MLLT1: variants seen among roughly 807,000 people sequenced by gnomAD.
MLLT1 encodes the protein protein ENL.
Under a neutral mutation model 55.1 loss-of-function variants are expected in MLLT1, and 11 were observed. The ratio of observed to expected loss-of-function variants is 0.20; its 90% CI spans 0.13 to 0.33. MLLT1 has a LOEUF of 0.33. MLLT1 is among the 10% of genes least tolerant of loss of function. MLLT1 has a pLI of 1.00. For synonymous variants in MLLT1, 323 were observed against 320.1 expected (o/e 1.01, Z -0.10); for missense variants, 536 against 760.6 (o/e 0.70, Z 3.47).
chr19:6,262,374 G>A lies in MLLT1; in HGVS notation c.194-64C>T, dbSNP rs375215353. 16 of 1,431,242 alleles carry A rather than the reference G, an allele frequency of 1.1e-5. No homozygotes were observed. Among genetic ancestry groups the A allele is most frequent in the South Asian group, 3.5e-5 (3 of 86,480 alleles). 88.7% of individuals were successfully genotyped at this position (1,431,242 alleles called of 1,614,324 possible). Reference sequence around the variant, plus strand: ...GCCTGTTTCAGGCCCAGCTGCCAGCGGCAGTACCGCACCCCTCAACCCCAC... The same window carrying A: ...GCCTGTTTCAGGCCCAGCTGCCAGCAGCAGTACCGCACCCCTCAACCCCAC... On this transcript the variant is annotated intron_variant, in intron 2 of 11. Transcript: ENST00000252674. The surrounding 1 kb of genome is among the most constrained non-coding windows in gnomAD (Gnocchi z 4.4).
intron 3 of MLLT1, among the ~76,000 whole-genome samples, chr19:6,236,989 G>A (rs926188446): frequency 8.5e-5 from 13 of 152,376 alleles, no homozygotes; most frequent in African/African-American, 2.9e-4. Flanking sequence ...ACGAGCCAGC[G>A]TCTCTCTGGC....
rs2091005443 is a variant in MLLT1 at position 6,231,126 on chromosome 19, C to T, written c.277-413G>A. ...CCTCTATTCCCCACTTCCTTTGCAG[C>T]CAGGGCCAAGCCCGACAGACGCAGG... On this transcript the variant is annotated intron_variant, in intron 3 of 11. Transcript: ENST00000252674. The surrounding 1 kb of genome is among the most constrained non-coding windows in gnomAD (Gnocchi z 5.1). 6.6e-6 allele frequency among the ~76,000 whole-genome samples: 1 copy of T among 152,214 alleles called. No homozygotes were observed. Among genetic ancestry groups the T allele is most frequent in the Non-Finnish European group, 1.5e-5 (1 of 68,040 alleles).
At chr19:6,258,180 AAC>A (rs2144932368) in intron 3 of MLLT1, among the ~76,000 whole-genome samples, 1 of 152,316 alleles carries the variant, frequency 6.6e-6, no homozygotes, top group South Asian at 2.1e-4. Flanking sequence ...AACAAGTACA[AAC>A]ACACACTCAC....
chr19:6,266,600 G>C (rs1320684817), intron 2 of MLLT1, among the ~76,000 whole-genome samples: 1 of 152,056 alleles, frequency 6.6e-6, no homozygotes, highest in South Asian at 2.1e-4. Context: ...GGGATTACAG[G>C]CATCCTCACT....
chr19:6,244,855 G>A (rs2091151925), intron 3 of MLLT1, among the ~76,000 whole-genome samples: 3 of 152,098 alleles, frequency 2.0e-5, no homozygotes, highest in South Asian at 2.1e-4. Flanking sequence ...ACCGTCGGCC[G>A]TCAGGGAGAT....
At chr19:6,250,314 T>C (rs1395008241) in intron 3 of MLLT1, among the ~76,000 whole-genome samples, 1 of 152,192 alleles carries the variant, frequency 6.6e-6, no homozygotes, top group Non-Finnish European at 1.5e-5. Context: ...TGTGTGTTGC[T>C]AGTGGCAATA....
At position 6,211,533 on chromosome 19, in the gene MLLT1, G is replaced by A. The variant is rs1024403972; in HGVS notation, c.*1509C>T. On this transcript the variant is annotated 3_prime_UTR_variant, in exon 12 of 12. Coordinates refer to ENST00000252674, the MANE Select transcript of MLLT1 (RefSeq NM_005934.4). The surrounding 1 kb of genome is among the most constrained non-coding windows in gnomAD (Gnocchi z 4.6). ...GGGAGGGACAGATGGAGCCCCCCAA[G>A]TCTGAACTCATAGGCTGGGGAGGAG... 9.6e-6 allele frequency: 9 copies of A among 941,570 alleles called. No individual in the cohort carries two copies. The highest frequency in any genetic ancestry group is 1.2e-5 in the Non-Finnish European group (9 of 766,112). The allele number at this position is 941,570 out of a possible 1,614,324, so 58.3% of individuals were successfully genotyped here.
chr19:6,210,924 T>C lies in MLLT1; in HGVS notation c.*2118A>G, dbSNP rs763911393. ...AGGCCTTCCGGCCAGAGGAGGTAAC[T>C]GAGAACTGGGTTGGTGCTTCCGGAG... On this transcript the variant is annotated 3_prime_UTR_variant, in exon 12 of 12. Coordinates refer to ENST00000252674, the MANE Select transcript of MLLT1 (RefSeq NM_005934.4). The surrounding 1 kb of genome is among the most constrained non-coding windows in gnomAD (Gnocchi z 4.6). The C allele has an allele frequency of 8.7e-6, 2 of 229,952 alleles. No individual in the cohort carries two copies. Among genetic ancestry groups the C allele is most frequent in the Non-Finnish European group, 1.7e-5 (2 of 116,216 alleles). 14.2% of individuals were successfully genotyped at this position (229,952 alleles called of 1,614,324 possible). A position where few individuals can be genotyped will look rare whatever the true frequency, so the allele number is the denominator to read the frequency against.
rs2090776733 is a variant in MLLT1, at chr19:6,211,919, CAG to C, written c.*1121_*1122del. On this transcript the variant is annotated 3_prime_UTR_variant, in exon 12 of 12. Coordinates refer to ENST00000252674, the MANE Select transcript of MLLT1 (RefSeq NM_005934.4). This position sits in a 1 kb window ranked among gnomAD's most constrained non-coding sequence, Gnocchi z 4.6. ...AGGCCGGGGCGGGCCAGGCCGCGAC[CAG>C]AGAGAAAGGCAGCCTGGGAGGGCCA... 9.4e-7 allele frequency: 1 copy of C among 1,064,920 alleles called. No homozygotes were observed. The allele number at this position is 1,064,920 out of a possible 1,614,324, so 66.0% of individuals were successfully genotyped here.
intron 3 of MLLT1, among the ~76,000 whole-genome samples, chr19:6,237,801 C>CA (rs2144891680): frequency 6.7e-6 from 1 of 150,240 alleles, no homozygotes; most frequent in Non-Finnish European, 1.5e-5. Flanking sequence ...AGAGACGAAG[C>CA]AATCAAGAGA....
rs886621819 is a variant in MLLT1, at chr19:6,227,560, C to T, written c.421-458G>A. Among the ~76,000 whole-genome samples, 1 of 152,236 alleles carries T rather than the reference C, an allele frequency of 6.6e-6. No individual in the cohort carries two copies. The highest frequency in any genetic ancestry group is 1.5e-5 in the Non-Finnish European group (1 of 68,034). ...ATGGGTGCAACTCCAGTGGGTCCCA[C>T]GTGCCCGGAGAATGAGCCGTCCTTG... On this transcript the variant is annotated intron_variant, in intron 4 of 11. Transcript: ENST00000252674. The surrounding 1 kb of genome is among the most constrained non-coding windows in gnomAD (Gnocchi z 5.1).
intron 2 of MLLT1, chr19:6,263,324 G>A (rs1443134486): frequency 6.6e-6 from 1 of 152,338 alleles, no homozygotes; most frequent in Non-Finnish European, 1.5e-5. Context: ...GCAGTGGCCT[G>A]GGATTTGCTC....
intron 1 of MLLT1, among the ~76,000 whole-genome samples, chr19:6,279,286 T>C (rs1440507479): frequency 6.6e-6 from 1 of 152,026 alleles, no homozygotes; most frequent in Non-Finnish European, 1.5e-5. Context: ...AGACAGTGAC[T>C]GGCCCTGGAC....
intron 1 of MLLT1, among the ~76,000 whole-genome samples, chr19:6,271,113 C>A (rs1196365440): frequency 6.6e-6 from 1 of 152,038 alleles, no homozygotes; most frequent in Non-Finnish European, 1.5e-5. Context: ...ACACTGGCGC[C>A]TCTTGTCACT....
intron 2 of MLLT1, among the ~76,000 whole-genome samples, chr19:6,265,227 A>G (rs1186877088): frequency 6.6e-6 from 1 of 152,200 alleles, no homozygotes; most frequent in African/African-American, 2.4e-5. Flanking sequence ...TAAGTGATAT[A>G]TACTCCCAAA....
intron 3 of MLLT1, among the ~76,000 whole-genome samples, chr19:6,244,995 T>G (rs935538370): frequency 6.6e-6 from 1 of 151,956 alleles, no homozygotes. Context: ...TGGGGGGGAA[T>G]GTAAAATGGC....
chr19:6,211,886 G>A lies in MLLT1; in HGVS notation c.*1156C>T, dbSNP rs996092011. ...CGGGCGCGGCACCAGCATGAATTGCGGCGGTGGAGGCCGGGGCGGGCCAGG... is the reference window on the plus strand; with the variant it reads ...CGGGCGCGGCACCAGCATGAATTGCAGCGGTGGAGGCCGGGGCGGGCCAGG... On this transcript the variant is annotated 3_prime_UTR_variant, in exon 12 of 12. Coordinates refer to ENST00000252674, the MANE Select transcript of MLLT1 (RefSeq NM_005934.4). The surrounding 1 kb of genome is among the most constrained non-coding windows in gnomAD (Gnocchi z 4.6). 1.5e-5 allele frequency: 16 copies of A among 1,064,694 alleles called. No homozygotes were observed. Among genetic ancestry groups the A allele is most frequent in the African/African-American group, 1.1e-4 (7 of 61,092 alleles). The allele number at this position is 1,064,694 out of a possible 1,614,324, so 66.0% of individuals were successfully genotyped here. A position where few individuals can be genotyped will look rare whatever the true frequency, so the allele number is the denominator to read the frequency against.
chr19:6,241,538 T>C (rs1019694120), intron 3 of MLLT1, among the ~76,000 whole-genome samples: 2 of 152,226 alleles, frequency 1.3e-5, no homozygotes, highest in Non-Finnish European at 2.9e-5. Flanking sequence ...GCCCCTTCTC[T>C]AGGGACCCAG....
intron 2 of MLLT1, among the ~76,000 whole-genome samples, chr19:6,264,366 G>A (rs1185996594): frequency 1.3e-5 from 2 of 151,894 alleles, no homozygotes; most frequent in African/African-American, 2.4e-5. Flanking sequence ...AGACCCCGAG[G>A]AAGGCCTTAC....
Sources: gnomAD v4.1 joint callset for allele counts (sites outside exome capture counted in the v4.1 genomes callset) on GRCh38, gnomAD v4.1.1 for gene constraint, Gnocchi (gnomAD v3.1) non-coding constraint, MANE v1.5 for transcripts, NCBI Gene and HGNC (gene_info 2026-07-23, HGNC 2026-07-21) for gene names.